SPATA13: variants seen among roughly 807,000 people sequenced by gnomAD.
The protein encoded by SPATA13 is spermatogenesis-associated protein 13.
Under a neutral mutation model 104.0 loss-of-function variants are expected in SPATA13, and 50 were observed. The ratio of observed to expected loss-of-function variants is 0.48; its 90% CI spans 0.38 to 0.61. SPATA13 has a LOEUF of 0.61. SPATA13 is among the 20% of genes least tolerant of loss of function. The pLI is 0.00. For missense variants in SPATA13, 1,524 were observed against 1,690.6 expected (o/e 0.90, Z 1.73); for synonymous variants, 606 against 667.5 (o/e 0.91, Z 1.42).
chr13:24,029,789 C>T (rs1877393133), intron 3 of SPATA13, among the ~76,000 whole-genome samples: 1 of 151,970 alleles, frequency 6.6e-6, no homozygotes, highest in Admixed American at 6.6e-5. Context: ...CTCCACCCTC[C>T]GATAGGCCCC....
intron 1 of SPATA13, among the ~76,000 whole-genome samples, chr13:24,176,057 C>T (rs975366201): frequency 6.6e-6 from 1 of 152,166 alleles, no homozygotes; most frequent in African/African-American, 2.4e-5. Context: ...CTGGAGCAGG[C>T]GTGGGGGATC....
rs369298389 is a variant in SPATA13, at chr13:23,992,702, G to A, written c.-147+8769G>A. On this transcript the variant is annotated intron_variant, in intron 2 of 14. Transcript: ENST00000424834. ...CAGCCCCTCCCTGAGCTTGAAAGGG[G>A]CCCTGCAGGAGAGGGATCCTGCAAG... 7.9e-5 allele frequency among the ~76,000 whole-genome samples: 12 copies of A among 152,114 alleles called. 1 individual carries two copies. In the East Asian group the frequency reaches 1.9e-3, roughly 24 times the overall value.
intron 2 of SPATA13, among the ~76,000 whole-genome samples, chr13:24,002,762 G>T (rs1224517733): frequency 2.0e-5 from 3 of 152,124 alleles, no homozygotes. Flanking sequence ...ATGGAAACAG[G>T]TTTCCTACCC....
At chr13:24,109,812 C>T (rs922610712) in intron 3 of SPATA13, among the ~76,000 whole-genome samples, 3 of 151,988 alleles carry the variant, frequency 2.0e-5, no homozygotes. Context: ...AATACATCTG[C>T]AATGAATATA....
At position 24,223,684 on chromosome 13, in the gene SPATA13, G is replaced by A; in HGVS notation, c.755G>A (p.Ser252Asn). ...PENNSMGYRR[S>N]KSTDNLAFLK... ...AACAACAGCATGGGCTACAGGAGGA[G>A]CAAGAGCACGGACAATCTTGCCTTT... The change falls in exon 2 of 13, where the codon AGC becomes AAC. Residue 252 changes from serine (S) to asparagine (N), a missense_variant. By Grantham distance (46) the Ser-to-Asn change is conservative. Transcript: ENST00000382108. 1 of 1,552,234 alleles carries A rather than the reference G, an allele frequency of 6.4e-7. No homozygotes were observed. Among genetic ancestry groups the A allele is most frequent in the Non-Finnish European group, 8.7e-7 (1 of 1,147,124 alleles).
Position 24,257,065 on chromosome 13 carries a change from T to C in SPATA13, c.2164+5203T>C, listed in dbSNP as rs138131830. 1.6e-3 allele frequency among the ~76,000 whole-genome samples: 239 copies of C among 152,358 alleles called. 1 individual carries two copies. The highest frequency in any genetic ancestry group is 5.6e-3 in the African/African-American group (231 of 41,592). The stretch of plus-strand genomic sequence containing the variant: ...GCTCCTAATTTTTTTGTACTTAACA[T>C]TGGGTTCCAACCATACTTCTTCCTT... On this transcript the variant is annotated intron_variant, in intron 4 of 12. Coordinates refer to ENST00000382108, the MANE Select transcript of SPATA13 (RefSeq NM_001166271.3).
chr13:24,210,059 T>A (rs1388328005), intron 1 of SPATA13, among the ~76,000 whole-genome samples: 2 of 152,188 alleles, frequency 1.3e-5, no homozygotes, highest in Non-Finnish European at 2.9e-5. Flanking sequence ...GCCATTTGTG[T>A]GTCTTCTTTG....
At chr13:24,208,328 AT>A (rs1870823451) in intron 1 of SPATA13, among the ~76,000 whole-genome samples, 1 of 152,238 alleles carries the variant, frequency 6.6e-6, no homozygotes, top group South Asian at 2.1e-4. Context: ...ATTCCTGTTA[AT>A]TAGATGCAAA....
intron 3 of SPATA13, among the ~76,000 whole-genome samples, chr13:24,076,002 C>T (rs1879312557): frequency 6.6e-6 from 1 of 152,146 alleles, no homozygotes; most frequent in African/African-American, 2.4e-5. Flanking sequence ...CTTCTGTTTC[C>T]ATTGATATCT....
At chr13:24,178,336 A>G (rs549658440) in intron 1 of SPATA13, among the ~76,000 whole-genome samples, 6 of 152,352 alleles carry the variant, frequency 3.9e-5, no homozygotes, top group African/African-American at 1.4e-4. Flanking sequence ...ATTGAACTGC[A>G]TTATGATACG....
intron 4 of SPATA13, among the ~76,000 whole-genome samples, chr13:24,270,290 A>T (rs1232349977): frequency 1.3e-5 from 2 of 152,184 alleles, no homozygotes; most frequent in East Asian, 1.9e-4. Context: ...ATGCCTTTAC[A>T]TGTATACCTT....
At position 24,302,980 on chromosome 13, in the gene SPATA13, A is replaced by T. The variant is rs2138783635; in HGVS notation, c.*207A>T. The T allele has an allele frequency of 1.6e-6, 1 of 637,530 alleles. No individual in the cohort carries two copies. Among genetic ancestry groups the T allele is most frequent in the Non-Finnish European group, 2.7e-6 (1 of 368,310 alleles). 39.5% of individuals were successfully genotyped at this position (637,530 alleles called of 1,614,324 possible). On this transcript the variant is annotated 3_prime_UTR_variant, in exon 13 of 13. Coordinates refer to ENST00000382108, the MANE Select transcript of SPATA13 (RefSeq NM_001166271.3). Reference sequence around the variant, plus strand: ...GAAGGGAGGAGACGGTCATGACACAAAGCTTTATCCTACACAGAAACACCC... The same window carrying T: ...GAAGGGAGGAGACGGTCATGACACATAGCTTTATCCTACACAGAAACACCC...
chr13:24,300,188 C>T (rs936735108), intron 11 of SPATA13, among the ~76,000 whole-genome samples: 3 of 152,116 alleles, frequency 2.0e-5, no homozygotes, highest in South Asian at 2.1e-4. Flanking sequence ...CCAAACTGTC[C>T]GGGTTTGCAG....
chr13:24,082,813 C>A (rs375542116), intron 3 of SPATA13, among the ~76,000 whole-genome samples: 1 of 104,104 alleles, frequency 9.6e-6, no homozygotes, highest in Non-Finnish European at 1.7e-5. Flanking sequence ...GGCGACAGAG[C>A]GAGACTCCGT....
At chr13:24,057,045 G>T (rs1270159073) in intron 3 of SPATA13, among the ~76,000 whole-genome samples, 3 of 142,664 alleles carry the variant, frequency 2.1e-5, no homozygotes, top group East Asian at 2.1e-4. Flanking sequence ...CTTTCATAGC[G>T]TCTGGCTCTT....
In SPATA13 at chr13:24,303,250, G is replaced by C. The variant is rs1208292037; in HGVS notation, c.*477G>C. ...TGCTGCACGTGTCTGGTCACACTTA[G>C]AAATTGAGCTCTTACTCTCTTCTGT... On this transcript the variant is annotated 3_prime_UTR_variant, in exon 13 of 13. Transcript: ENST00000382108. 2 of 429,018 alleles carry C rather than the reference G, an allele frequency of 4.7e-6. No homozygotes were observed. The highest frequency in any genetic ancestry group is 9.3e-6 in the Non-Finnish European group (2 of 214,656). The allele number at this position is 429,018 out of a possible 1,614,324, so 26.6% of individuals were successfully genotyped here.
chr13:24,104,965 A>T (rs1333534082), intron 3 of SPATA13, among the ~76,000 whole-genome samples: 4 of 152,086 alleles, frequency 2.6e-5, no homozygotes, highest in African/African-American at 9.7e-5. Context: ...TCTCTGCCTG[A>T]CAGTCTCATG....
chr13:24,116,776 C>CG (rs961672097), intron 3 of SPATA13, among the ~76,000 whole-genome samples: 4 of 151,348 alleles, frequency 2.6e-5, no homozygotes, highest in Non-Finnish European at 5.9e-5. Context: ...CCAGCCCCCC[C>CG]CCCCCAATGT....
chr13:24,234,546 T>C (rs930316602), intron 2 of SPATA13, among the ~76,000 whole-genome samples: 3 of 152,228 alleles, frequency 2.0e-5, no homozygotes, highest in Non-Finnish European at 2.9e-5. Context: ...ATGATGGTGA[T>C]GATTAGAAGG....
Sources: allele counts gnomAD v4.1 joint callset (sites outside exome capture counted in the v4.1 genomes callset), GRCh38; gene constraint gnomAD v4.1.1; transcripts MANE v1.5; gene names NCBI Gene and HGNC (gene_info 2026-07-23, HGNC 2026-07-21).